The following CPNE4 variants were observed in gnomAD, a reference collection of about 807,000 sequenced individuals.
The protein encoded by CPNE4 is copine 4.
Under a neutral mutation model 67.9 loss-of-function variants are expected in CPNE4, and 25 were observed. That is an observed-to-expected ratio of 0.37 (90% CI 0.27 to 0.51). The LOEUF (loss-of-function observed/expected upper bound fraction) is 0.51. CPNE4 is among the 20% of genes least tolerant of loss of function. The probability of loss-of-function intolerance (pLI) is 0.93; values close to 1 mark genes in which losing one functional copy is unlikely to be tolerated. For missense variants in CPNE4, 464 were observed against 690.8 expected (o/e 0.67, Z 3.68); for synonymous variants, 242 against 244.9 (o/e 0.99, Z 0.11).
intron 1 of CPNE4, among the ~76,000 whole-genome samples, chr3:131,905,773 A>G (rs745551899): frequency 2.0e-5 from 3 of 152,194 alleles, no homozygotes; most frequent in Non-Finnish European, 2.9e-5. Flanking sequence ...CAGCTCTTCA[A>G]TAAGTGTATG....
chr3:131,549,153 C>A (rs1936034807), intron 14 of CPNE4, among the ~76,000 whole-genome samples: 1 of 152,120 alleles, frequency 6.6e-6, no homozygotes, highest in African/African-American at 2.4e-5. Context: ...GAGGTAGGAG[C>A]ATGGTCCTCC....
intron 10 of CPNE4, among the ~76,000 whole-genome samples, chr3:131,574,087 G>A (rs116229234): frequency 0.012 from 1,776 of 152,028 alleles, 18 homozygotes; most frequent in Non-Finnish European, 0.017. Context: ...TATAGGTCCC[G>A]TCTACTCTCT....
rs1399196048 is a variant in CPNE4, at chr3:131,737,156, C to G, written c.181-13531G>C. ...TTTTTTTTTTTGAGAGGGAGTCTCGCTCTGTCACCCAGGCTGGAGTGCAGT... is the reference window on the plus strand; with the variant it reads ...TTTTTTTTTTTGAGAGGGAGTCTCGGTCTGTCACCCAGGCTGGAGTGCAGT... On this transcript the variant is annotated intron_variant, in intron 2 of 15. Coordinates refer to ENST00000429747, the MANE Select transcript of CPNE4 (RefSeq NM_130808.3). 3.8e-5 allele frequency among the ~76,000 whole-genome samples: 3 copies of G among 78,832 alleles called. No homozygotes were observed. The East Asian group carries it at 1.8e-3, about 46-fold the overall frequency. 51.7% of individuals were successfully genotyped at this position (78,832 alleles called of 152,430 possible).
chr3:131,596,731 G>A (rs887230259), intron 7 of CPNE4, among the ~76,000 whole-genome samples: 3 of 151,700 alleles, frequency 2.0e-5, no homozygotes, highest in Admixed American at 6.6e-5. Context: ...CAGCACTGAG[G>A]CTTTTCTGAA....
At chr3:131,571,538 G>A (rs1311928309) in intron 10 of CPNE4, among the ~76,000 whole-genome samples, 1 of 152,000 alleles carries the variant, frequency 6.6e-6, no homozygotes, top group Non-Finnish European at 1.5e-5. Flanking sequence ...CTGTCAGTCA[G>A]GCACAAAAGC....
chr3:131,971,464 T>G (rs2072500401), intron 1 of CPNE4, among the ~76,000 whole-genome samples: 1 of 152,204 alleles, frequency 6.6e-6, no homozygotes, highest in South Asian at 2.1e-4. Flanking sequence ...CTTCTCTGAT[T>G]CCCTAAGATA....
At chr3:131,830,790 C>G (rs932542002) in intron 2 of CPNE4, among the ~76,000 whole-genome samples, 1 of 151,950 alleles carries the variant, frequency 6.6e-6, no homozygotes, top group South Asian at 2.1e-4. Context: ...CTGATACATC[C>G]CAGGTGTCCA....
chr3:131,709,119 TATCTC>T (rs2081496569), intron 3 of CPNE4, among the ~76,000 whole-genome samples: 1 of 151,534 alleles, frequency 6.6e-6, no homozygotes, highest in African/African-American at 2.4e-5. Flanking sequence ...GTTTAGTAGT[TATCTC>T]TTAATGGTAG....
intron 2 of CPNE4, among the ~76,000 whole-genome samples, chr3:131,898,643 T>A (rs2088429547): frequency 6.6e-6 from 1 of 152,110 alleles, no homozygotes; most frequent in Non-Finnish European, 1.5e-5. Flanking sequence ...AATCCAGTAA[T>A]CTTATTTTCC....
chr3:131,743,157 A>G (rs909635606), intron 2 of CPNE4, among the ~76,000 whole-genome samples: 1 of 152,216 alleles, frequency 6.6e-6, no homozygotes, highest in Non-Finnish European at 1.5e-5. Flanking sequence ...TTAAAATAAT[A>G]TCATATGTGT....
At chr3:131,702,288 C>T (rs946530014) in intron 3 of CPNE4, among the ~76,000 whole-genome samples, 2 of 152,134 alleles carry the variant, frequency 1.3e-5, no homozygotes, top group Non-Finnish European at 2.9e-5. Flanking sequence ...ATTCATTCTA[C>T]AAATATTTAT....
intron 2 of CPNE4, among the ~76,000 whole-genome samples, chr3:131,903,277 C>G (rs910970556): frequency 3.9e-5 from 6 of 152,066 alleles, no homozygotes; most frequent in African/African-American, 1.4e-4. Context: ...ATCCCTTATT[C>G]TGAGTACTTT....
intron 7 of CPNE4, among the ~76,000 whole-genome samples, chr3:131,663,497 T>C (rs1205986419): frequency 6.6e-6 from 1 of 151,570 alleles, no homozygotes; most frequent in Non-Finnish European, 1.5e-5. Context: ...TTAAAAAAAA[T>C]AATAAAGTAA....
At chr3:131,974,333 T>C (rs529422240) in intron 1 of CPNE4, among the ~76,000 whole-genome samples, 1 of 152,302 alleles carries the variant, frequency 6.6e-6, no homozygotes, top group Non-Finnish European at 1.5e-5. Context: ...TATACACACA[T>C]GTGCATGTAT....
intron 7 of CPNE4, among the ~76,000 whole-genome samples, chr3:131,663,758 G>A (rs970045369): frequency 1.3e-5 from 2 of 152,116 alleles, no homozygotes; most frequent in African/African-American, 2.4e-5. Context: ...AAGAACAAGC[G>A]AGATGAATCA....
At chr3:131,790,850 A>T (rs1458005008) in intron 2 of CPNE4, among the ~76,000 whole-genome samples, 1 of 152,180 alleles carries the variant, frequency 6.6e-6, no homozygotes, top group African/African-American at 2.4e-5. Context: ...CCCTTCAAAC[A>T]GTATTTCCAT....
rs79127364 is a variant in CPNE4, at chr3:131,999,241, T to TAAAAAAA, written c.-2+35319_-2+35325dup. ...CTCAATTATAGGTATTTATCCAAGG[T>TAAAAAAA]AAAAAAAAAAAAAAAAAAAAAAAGA... On this transcript the variant is annotated intron_variant, in intron 1 of 15. Transcript: ENST00000429747. Among the ~76,000 whole-genome samples the TAAAAAAA allele has an allele frequency of 3.8e-3, 377 of 98,770 alleles. 22 individuals are homozygous for TAAAAAAA. Among genetic ancestry groups the TAAAAAAA allele is most frequent in the African/African-American group, 7.9e-3 (147 of 18,684 alleles). The allele number at this position is 98,770 out of a possible 152,430, so 64.8% of individuals were successfully genotyped here. A position where few individuals can be genotyped will look rare whatever the true frequency, so the allele number is the denominator to read the frequency against.
At chr3:131,711,842 T>C (rs2081565921) in intron 3 of CPNE4, among the ~76,000 whole-genome samples, 2 of 152,206 alleles carry the variant, frequency 1.3e-5, no homozygotes, top group Non-Finnish European at 1.5e-5. Context: ...TCATTTTCAG[T>C]TCCAGAGATG....
chr3:131,622,630 G>A (rs1940535347), intron 7 of CPNE4, among the ~76,000 whole-genome samples: 1 of 152,150 alleles, frequency 6.6e-6, no homozygotes, highest in Non-Finnish European at 1.5e-5. Context: ...CTAATTCTAG[G>A]AATATATATG....
Sources: gnomAD v4.1 joint callset for allele counts (sites outside exome capture counted in the v4.1 genomes callset) on GRCh38, gnomAD v4.1.1 for gene constraint, MANE v1.5 for transcripts, NCBI Gene and HGNC (gene_info 2026-07-23, HGNC 2026-07-21) for gene names.